Variants in ADGRB3 observed in about 807,000 individuals in gnomAD.
The protein encoded by ADGRB3 is brain-specific angiogenesis inhibitor 3.
In ADGRB3, 37 loss-of-function variants were observed where a neutral mutation model predicts 193.4. That is an observed-to-expected ratio of 0.19 (90% confidence interval 0.15 to 0.25). The LOEUF (loss-of-function observed/expected upper bound fraction) is 0.25. Ranked by LOEUF, ADGRB3 falls within the 10% of genes least tolerant of loss-of-function variation. ADGRB3 has a pLI of 1.00. For missense variants in ADGRB3, 1,637 were observed against 1,852.9 expected, an observed-to-expected ratio of 0.88 and a Z score of 2.14; for synonymous variants, 690 against 644.2, an observed-to-expected ratio of 1.07 and a Z score of -1.08.
At chr6:69,343,169 T>TC (rs1769015085) in intron 26 of ADGRB3, among the ~76,000 whole-genome samples, 1 of 151,734 alleles carries the variant, frequency 6.6e-6, no homozygotes, top group Non-Finnish European at 1.5e-5. Context: ...TATTTTTTTT[T>TC]CCTGCCTTTG....
At chr6:68,965,008 A>C (rs189055689) in intron 8 of ADGRB3, among the ~76,000 whole-genome samples, 48 of 152,328 alleles carry the variant, frequency 3.2e-4, no homozygotes, top group African/African-American at 1.1e-3. Flanking sequence ...CCTCAGGCTA[A>C]ACACTAAACA....
chr6:68,784,021 A>G (rs1245567472), intron 3 of ADGRB3, among the ~76,000 whole-genome samples: 4 of 152,108 alleles, frequency 2.6e-5, no homozygotes, highest in Non-Finnish European at 5.9e-5. Context: ...AGATTTTTCT[A>G]TAAATGCTTG....
chr6:68,925,776 G>C (rs1449175571), intron 3 of ADGRB3, among the ~76,000 whole-genome samples: 1 of 151,916 alleles, frequency 6.6e-6, no homozygotes, highest in East Asian at 1.9e-4. Flanking sequence ...ATATTTCAAA[G>C]GATCAGGCCA....
intron 1 of ADGRB3, among the ~76,000 whole-genome samples, chr6:68,636,570 T>C (rs1767963462): frequency 6.7e-6 from 1 of 150,134 alleles, no homozygotes; most frequent in South Asian, 2.1e-4. Flanking sequence ...GGCCCTGCAG[T>C]CCAAAGGGGG....
At chr6:69,243,202 A>G (rs1020773131) in intron 20 of ADGRB3, among the ~76,000 whole-genome samples, 1 of 151,916 alleles carries the variant, frequency 6.6e-6, no homozygotes, top group Non-Finnish European at 1.5e-5. Context: ...TCACAAGCTC[A>G]CTACCAGGTT....
intron 29 of ADGRB3, among the ~76,000 whole-genome samples, chr6:69,364,258 T>G (rs1769520862): frequency 6.6e-6 from 1 of 151,918 alleles, no homozygotes; most frequent in South Asian, 2.1e-4. Context: ...CACTGCCAGT[T>G]GTAGAATAGA....
At chr6:69,232,275 T>C in intron 17 of ADGRB3, 3 of 565,452 alleles carry the variant, frequency 5.3e-6, no homozygotes, top group Non-Finnish European at 8.1e-6. Context: ...TAGCATTTTT[T>C]TTTTTTCTTT....
chr6:68,751,076 G>A (rs1023997848), intron 3 of ADGRB3, among the ~76,000 whole-genome samples: 1 of 152,166 alleles, frequency 6.6e-6, no homozygotes, highest in African/African-American at 2.4e-5. Flanking sequence ...TTCTGCAAAT[G>A]TGGATGCAGG....
At chr6:69,049,662 T>C (rs994390224) in intron 15 of ADGRB3, among the ~76,000 whole-genome samples, 1 of 152,116 alleles carries the variant, frequency 6.6e-6, no homozygotes, top group Non-Finnish European at 1.5e-5. Flanking sequence ...CATTGTAAAA[T>C]TGATCTGTCT....
intron 3 of ADGRB3, among the ~76,000 whole-genome samples, chr6:68,721,115 T>C (rs908538712): frequency 2.0e-5 from 3 of 151,644 alleles, no homozygotes; most frequent in African/African-American, 7.3e-5. Context: ...ACCCAGCCAT[T>C]CCATTACTGG....
chr6:68,741,498 A>C (rs1050113059), intron 3 of ADGRB3, among the ~76,000 whole-genome samples: 1 of 152,042 alleles, frequency 6.6e-6, no homozygotes, highest in African/African-American at 2.4e-5. Flanking sequence ...GCCATCCTCC[A>C]ACCTGAGCCT....
At chr6:69,248,730 C>T (rs1432468027) in intron 20 of ADGRB3, among the ~76,000 whole-genome samples, 1 of 152,210 alleles carries the variant, frequency 6.6e-6, no homozygotes, top group African/African-American at 2.4e-5. Context: ...GGCCTGGGAC[C>T]TAGCCTTAGG....
chr6:68,993,563 A>G (rs1769298262), intron 10 of ADGRB3, among the ~76,000 whole-genome samples: 1 of 152,204 alleles, frequency 6.6e-6, no homozygotes, highest in Admixed American at 6.5e-5. Flanking sequence ...CCTGCCGAAA[A>G]GTATACACTC....
intron 20 of ADGRB3, among the ~76,000 whole-genome samples, chr6:69,275,977 C>G (rs117158611): frequency 0.028 from 4,338 of 152,248 alleles, 84 homozygotes; most frequent in Non-Finnish European, 0.042. Flanking sequence ...TCCTCTTTTC[C>G]TTTAATTGCT....
At chr6:69,154,399 C>G (rs1490744767) in intron 17 of ADGRB3, among the ~76,000 whole-genome samples, 1 of 152,116 alleles carries the variant, frequency 6.6e-6, no homozygotes, top group Non-Finnish European at 1.5e-5. Context: ...TTTATGAAGC[C>G]CTCCATGATC....
intron 3 of ADGRB3, among the ~76,000 whole-genome samples, chr6:68,817,114 A>G (rs1229157756): frequency 6.6e-6 from 1 of 151,498 alleles, no homozygotes; most frequent in Non-Finnish European, 1.5e-5. Context: ...TGTATTCCTC[A>G]GGGACTTACT....
intron 10 of ADGRB3, among the ~76,000 whole-genome samples, chr6:68,988,407 A>G (rs1051091283): frequency 1.3e-5 from 2 of 152,152 alleles, no homozygotes; most frequent in Non-Finnish European, 2.9e-5. Flanking sequence ...GAGCAAAGAC[A>G]GAATCCATGA....
In ADGRB3 at chr6:68,796,100, A is replaced by C. The variant is rs191580223; in HGVS notation, c.758-134459A>C. Among the ~76,000 whole-genome samples, 703 of 152,270 alleles carry C rather than the reference A, an allele frequency of 4.6e-3. 6 individuals are homozygous for C. Among genetic ancestry groups the C allele is most frequent in the African/African-American group, 0.016 (666 of 41,564 alleles). On this transcript the variant is annotated intron_variant, in intron 3 of 31. Coordinates refer to ENST00000370598, the MANE Select transcript of ADGRB3 (RefSeq NM_001704.3). ...TATTTTAGTTCAAATATTTCTCTGC[A>C]ACTTGGTTTTTGAATTTCATCCTTT... is the stretch of plus-strand genomic sequence containing the variant.
intron 13 of ADGRB3, among the ~76,000 whole-genome samples, chr6:69,041,658 C>A (rs1267519986): frequency 1.3e-5 from 2 of 151,882 alleles, no homozygotes; most frequent in African/African-American, 4.8e-5. Context: ...GTAGCCCAGG[C>A]TGGAGAGCAG....
Sources: gnomAD v4.1 joint callset for allele counts (sites outside exome capture counted in the v4.1 genomes callset) on GRCh38, gnomAD v4.1.1 for gene constraint, MANE v1.5 for transcripts, NCBI Gene and HGNC (gene_info 2026-07-23, HGNC 2026-07-21) for gene names.